HACD2: variants seen among roughly 807,000 people sequenced by gnomAD.
HACD2 encodes the protein very-long-chain (3R)-3-hydroxyacyl-CoA dehydratase 2.
Under a neutral mutation model 31.0 loss-of-function variants are expected in HACD2, and 15 were observed. That is an observed-to-expected ratio of 0.48 (90% CI 0.32 to 0.75). The LOEUF is 0.75. HACD2 is among the 30% of genes least tolerant of loss of function. The probability of loss-of-function intolerance (pLI) is 0.03; values close to 1 mark genes in which losing one functional copy is unlikely to be tolerated. For missense variants in HACD2, 283 were observed against 313.0 expected, an observed-to-expected ratio of 0.90 and a Z score of 0.72; for synonymous variants, 115 against 122.2, an observed-to-expected ratio of 0.94 and a Z score of 0.39.
chr3:123,537,501 C>A (rs952930106), intron 3 of HACD2, among the ~76,000 whole-genome samples: 1 of 151,566 alleles, frequency 6.6e-6, no homozygotes, highest in African/African-American at 2.4e-5. Context: ...GAGTTTGAGG[C>A]TGCATTGAGC....
At chr3:123,568,110 C>T (rs897889568) in intron 2 of HACD2, among the ~76,000 whole-genome samples, 1 of 152,230 alleles carries the variant, frequency 6.6e-6, no homozygotes, top group Non-Finnish European at 1.5e-5. Context: ...TGTACAGCAT[C>T]TCCATGTCCC....
chr3:123,497,353 C>G (rs935224002), intron 6 of HACD2, among the ~76,000 whole-genome samples: 1 of 152,170 alleles, frequency 6.6e-6, no homozygotes, highest in Non-Finnish European at 1.5e-5. Flanking sequence ...GTGACAGTCC[C>G]TGTGTGTTGG....
chr3:123,572,493 G>A (rs776371455), intron 2 of HACD2, among the ~76,000 whole-genome samples: 5 of 152,176 alleles, frequency 3.3e-5, no homozygotes, highest in African/African-American at 4.8e-5. Flanking sequence ...GGGCAACAGA[G>A]CAAGACCCTG....
chr3:123,573,587 C>G (rs2056877458), intron 2 of HACD2, among the ~76,000 whole-genome samples: 1 of 152,154 alleles, frequency 6.6e-6, no homozygotes, highest in East Asian at 1.9e-4. Context: ...CTGTGGAGTT[C>G]AGTTAGCAAA....
At chr3:123,554,430 G>A (rs2056652985) in intron 3 of HACD2, among the ~76,000 whole-genome samples, 1 of 152,034 alleles carries the variant, frequency 6.6e-6, no homozygotes, top group African/African-American at 2.4e-5. Flanking sequence ...GAGCCCAGGA[G>A]TCCAAGGCTA....
chr3:123,519,228 T>TA (rs2056183605), intron 4 of HACD2, among the ~76,000 whole-genome samples: 1 of 152,134 alleles, frequency 6.6e-6, no homozygotes, highest in Admixed American at 6.5e-5. Context: ...AGCATCCCCT[T>TA]AGCATGCATA....
chr3:123,502,719 G>C (rs761770654), intron 4 of HACD2, 38 bp from the exon 5 acceptor site: 1 of 1,563,204 alleles, frequency 6.4e-7, no homozygotes, highest in South Asian at 1.2e-5. Context: ...AAAACACACA[G>C]ACAACGTTAA....
chr3:123,513,802 T>C (rs1046435173), intron 4 of HACD2, among the ~76,000 whole-genome samples: 3 of 152,254 alleles, frequency 2.0e-5, no homozygotes, highest in East Asian at 3.9e-4. Context: ...TTCGTGGAAT[T>C]TGAATGGAGC....
At chr3:123,500,023 A>T (rs2055883172) in intron 6 of HACD2, among the ~76,000 whole-genome samples, 1 of 152,244 alleles carries the variant, frequency 6.6e-6, no homozygotes, top group Admixed American at 6.5e-5. Context: ...AAAATGAAAA[A>T]TTTAGAAAAA....
chr3:123,535,200 T>C (rs1289439885), intron 3 of HACD2, among the ~76,000 whole-genome samples: 1 of 152,164 alleles, frequency 6.6e-6, no homozygotes, highest in Non-Finnish European at 1.5e-5. Flanking sequence ...AAATCTTGTA[T>C]ACCATACTTT....
chr3:123,513,765 T>C (rs2056097177), intron 4 of HACD2, among the ~76,000 whole-genome samples: 1 of 152,004 alleles, frequency 6.6e-6, no homozygotes, highest in Admixed American at 6.6e-5. Flanking sequence ...CATTCCAGAA[T>C]GGAGAAAAAA....
chr3:123,552,238 C>T (rs113209873), intron 3 of HACD2, among the ~76,000 whole-genome samples: 3,740 of 152,180 alleles, frequency 0.025, 66 homozygotes, highest in Middle Eastern at 0.088. Flanking sequence ...CTATGGCAAT[C>T]TGAAAACGGC....
Position 123,521,924 on chromosome 3 carries a change from AAAC to A in HACD2, c.381+6459_381+6461del, listed in dbSNP as rs1396137202. Among the ~76,000 whole-genome samples the A allele has an allele frequency of 2.0e-5, 3 of 152,166 alleles. No homozygotes were observed. The East Asian group carries it at 5.8e-4, about 29-fold the overall frequency. On this transcript the variant is annotated intron_variant, in intron 4 of 6. Transcript: ENST00000383657. ...TCATCATCAGGGGATATTACATTTT[AAAC>A]AACAACTGAGTTCTGGTGGAATTTT...
At chr3:123,574,648 CAT>C (rs1375423396) in intron 2 of HACD2, among the ~76,000 whole-genome samples, 2 of 151,834 alleles carry the variant, frequency 1.3e-5, no homozygotes, top group African/African-American at 2.4e-5. Context: ...TTTTCAATTA[CAT>C]ATAATATAGA....
chr3:123,549,784 C>G (rs1015873739), intron 3 of HACD2, among the ~76,000 whole-genome samples: 1 of 152,104 alleles, frequency 6.6e-6, no homozygotes, highest in African/African-American at 2.4e-5. Context: ...CCACAAAGAT[C>G]AGCTGCTGCT....
chr3:123,567,438 A>T (rs2056803724), intron 3 of HACD2, among the ~76,000 whole-genome samples: 1 of 152,176 alleles, frequency 6.6e-6, no homozygotes, highest in Admixed American at 6.5e-5. Context: ...GCTTTTCAAC[A>T]CAGCCCAGCA....
At position 123,491,571 on chromosome 3, in the gene HACD2, G is replaced by A. The variant is rs2055761722; in HGVS notation, c.*3317C>T. 6.6e-6 allele frequency: 1 copy of A among 152,596 alleles called. No individual in the cohort carries two copies. The highest frequency in any genetic ancestry group is 6.5e-5 in the Admixed American group (1 of 15,268). The allele number at this position is 152,596 out of a possible 1,614,324, so 9.5% of individuals were successfully genotyped here. Reference sequence around the variant, plus strand: ...GGTAGGTATTTCAAATCCAGGCAGAGCACACACCAGTTTATTTTGAAATGC... The same window carrying A: ...GGTAGGTATTTCAAATCCAGGCAGAACACACACCAGTTTATTTTGAAATGC... On this transcript the variant is annotated 3_prime_UTR_variant, in exon 7 of 7. Coordinates refer to ENST00000383657, the MANE Select transcript of HACD2 (RefSeq NM_198402.5).
At chr3:123,515,911 C>T (rs557715991) in intron 4 of HACD2, among the ~76,000 whole-genome samples, 1 of 152,112 alleles carries the variant, frequency 6.6e-6, no homozygotes, top group South Asian at 2.1e-4. Context: ...TATGCACCAC[C>T]ATGCCCGGCT....
At chr3:123,558,943 C>A (rs934015787) in intron 3 of HACD2, among the ~76,000 whole-genome samples, 1 of 152,120 alleles carries the variant, frequency 6.6e-6, no homozygotes, top group African/African-American at 2.4e-5. Flanking sequence ...AAATATGGCA[C>A]CCATTTTCAT....
Sources: gnomAD v4.1 joint callset for allele counts (sites outside exome capture counted in the v4.1 genomes callset) on GRCh38, gnomAD v4.1.1 for gene constraint, MANE v1.5 for transcripts, NCBI Gene and HGNC (gene_info 2026-07-23, HGNC 2026-07-21) for gene names.